ARHGEF10: variants seen among roughly 807,000 people sequenced by gnomAD.
ARHGEF10 encodes Rho guanine nucleotide exchange factor (GEF) 10.
Under a neutral mutation model 147.4 loss-of-function variants are expected in ARHGEF10, and 140 were observed. That is an observed-to-expected ratio of 0.95 (90% CI 0.83 to 1.09). ARHGEF10 has a LOEUF of 1.09. Ranked by LOEUF, ARHGEF10 falls within the 50% of genes least tolerant of loss-of-function variation. The pLI, the probability that ARHGEF10 is intolerant of heterozygous loss-of-function variation, is 0.00. For missense variants in ARHGEF10, 2,222 were observed against 1,752.7 expected (o/e 1.27, Z -4.78); for synonymous variants, 902 against 695.8 (o/e 1.30, Z -4.67).
chr8:1,955,942 C>A (rs1815529732), intron 28 of ARHGEF10, among the ~76,000 whole-genome samples: 1 of 152,232 alleles, frequency 6.6e-6, no homozygotes, highest in South Asian at 2.1e-4. Context: ...TGCCACTCTC[C>A]TCTTTGGGAA....
At position 1,945,231 on chromosome 8, in the gene ARHGEF10, G is replaced by A. The variant is rs544798067; in HGVS notation, c.3223-250G>A. Among the ~76,000 whole-genome samples, 9 of 152,316 alleles carry A rather than the reference G, an allele frequency of 5.9e-5. No individual in the cohort carries two copies. In the South Asian group the frequency reaches 1.9e-3, roughly 32 times the overall value. Reference sequence around the variant, plus strand: ...TAGGACACAAGCTCAGTGGCCCCTCGGCAGGCGCACCATGCCTGTGTCTTT... The same window carrying A: ...TAGGACACAAGCTCAGTGGCCCCTCAGCAGGCGCACCATGCCTGTGTCTTT... On this transcript the variant is annotated intron_variant, in intron 26 of 28. Coordinates refer to ENST00000349830, the MANE Select transcript of ARHGEF10 (RefSeq NM_014629.4).
chr8:1,908,227 A>ATTTT lies in ARHGEF10; in HGVS notation c.1968-1050_1968-1047dup, dbSNP rs11288174. On this transcript the variant is annotated intron_variant, in intron 17 of 28. Transcript: ENST00000349830. ...TTTGGTTATTTCTACCCACACTTTG[A>ATTTT]TTTTTTTTTTTTTTTTTTTTTGAGA... 1.5e-4 allele frequency among the ~76,000 whole-genome samples: 16 copies of ATTTT among 110,050 alleles called. 1 individual carries two copies. Among genetic ancestry groups the ATTTT allele is most frequent in the Non-Finnish European group, 1.9e-4 (11 of 56,518 alleles). The allele number at this position is 110,050 out of a possible 152,430, so 72.2% of individuals were successfully genotyped here. A position where few individuals can be genotyped will look rare whatever the true frequency, so the allele number is the denominator to read the frequency against.
intron 11 of ARHGEF10, among the ~76,000 whole-genome samples, chr8:1,889,864 G>A (rs570823034): frequency 1.0e-4 from 15 of 143,184 alleles, no homozygotes; most frequent in African/African-American, 2.8e-4. Context: ...AGGAGACACT[G>A]AGTGTGGTGA....
Position 1,832,957 on chromosome 8 carries a change from G to C in ARHGEF10, c.-48+8844G>C, listed in dbSNP as rs1487489446. 4.1e-5 allele frequency among the ~76,000 whole-genome samples: 4 copies of C among 97,936 alleles called. 1 individual carries two copies. Among genetic ancestry groups the C allele is most frequent in the Admixed American group, 1.0e-4 (1 of 9,670 alleles). 64.2% of individuals were successfully genotyped at this position (97,936 alleles called of 152,430 possible). ...AGAGACAGAAGCAGAGACAGAGGCA[G>C]AGGCAGATACAGAGGCAGAGAGAGA... On this transcript the variant is annotated intron_variant, in intron 1 of 28. Coordinates refer to ENST00000349830, the MANE Select transcript of ARHGEF10 (RefSeq NM_014629.4).
At chr8:1,842,682 C>T (rs983554003) in intron 1 of ARHGEF10, among the ~76,000 whole-genome samples, 16 of 152,226 alleles carry the variant, frequency 1.1e-4, no homozygotes, top group African/African-American at 3.4e-4. Context: ...ATGGCTCTGG[C>T]GGGAGCCAGG....
At chr8:1,866,432 CA>C in intron 5 of ARHGEF10, 93 bp from the exon 6 acceptor site, 1 of 941,424 alleles carries the variant, frequency 1.1e-6, no homozygotes, top group Non-Finnish European at 1.7e-6. Flanking sequence ...GACACACACA[CA>C]CACACACACA....
At chr8:1,865,127 C>T (rs1420827607) in intron 5 of ARHGEF10, among the ~76,000 whole-genome samples, 2 of 152,158 alleles carry the variant, frequency 1.3e-5, no homozygotes, top group Non-Finnish European at 2.9e-5. Context: ...TTTCTTTTAC[C>T]TTTTTAGGTA....
At chr8:1,909,122 G>A (rs1811151078) in intron 17 of ARHGEF10, among the ~76,000 whole-genome samples, 173 bp from the exon 18 acceptor site, 1 of 152,188 alleles carries the variant, frequency 6.6e-6, no homozygotes, top group African/African-American at 2.4e-5. Context: ...CCTCTTTATG[G>A]CAGCAAGTGG....
Position 1,887,502 on chromosome 8 carries a change from C to A in ARHGEF10, c.1182+1795C>A, listed in dbSNP as rs761421993. Among the ~76,000 whole-genome samples, 140 of 130,946 alleles carry A rather than the reference C, an allele frequency of 1.1e-3. 1 individual carries two copies. Among genetic ancestry groups the A allele is most frequent in the Non-Finnish European group, 1.8e-3 (110 of 62,224 alleles). 85.9% of individuals were successfully genotyped at this position (130,946 alleles called of 152,430 possible). ...AGACACTGAGTGGGGTGTGAGGGGT[C>A]TGTGAGGAGACCCTGAGTGGGGTGA... On this transcript the variant is annotated intron_variant, in intron 11 of 28. Coordinates refer to ENST00000349830, the MANE Select transcript of ARHGEF10 (RefSeq NM_014629.4).
chr8:1,870,954 A>G (rs1413258539), intron 7 of ARHGEF10: 1 of 152,010 alleles, frequency 6.6e-6, no homozygotes, highest in Non-Finnish European at 1.5e-5. Context: ...CTCTACTAAA[A>G]ATACAAAAAT....
chr8:1,934,023 G>C, intron 26 of ARHGEF10, 81 bp downstream of exon 26: 1 of 1,588,422 alleles, frequency 6.3e-7, no homozygotes, highest in Non-Finnish European at 8.6e-7. Context: ...CCGAAGTCAA[G>C]GCTTCTTGCC....
intron 7 of ARHGEF10, among the ~76,000 whole-genome samples, chr8:1,873,082 A>C (rs1373855115): frequency 1.3e-5 from 2 of 152,230 alleles, no homozygotes; most frequent in African/African-American, 2.4e-5. Flanking sequence ...CCGTGTGGCG[A>C]GGCCCAGTGT....
rs189846180 is a variant in ARHGEF10, at chr8:1,859,008, C to T, written c.194-889C>T. Among the ~76,000 whole-genome samples the T allele has an allele frequency of 7.3e-5, 11 of 151,578 alleles. No homozygotes were observed. The East Asian group carries it at 7.8e-4, about 11-fold the overall frequency. ...CTTTGCATGGTTTCTTTGTGCGTAG[C>T]GCCAGCCTCTCGGTTGTTTGCCCGG... On this transcript the variant is annotated intron_variant, in intron 3 of 28. Coordinates refer to ENST00000349830, the MANE Select transcript of ARHGEF10 (RefSeq NM_014629.4).
intron 28 of ARHGEF10, among the ~76,000 whole-genome samples, chr8:1,954,455 T>A (rs1815316644): frequency 1.4e-5 from 2 of 144,876 alleles, no homozygotes; most frequent in African/African-American, 5.2e-5. Flanking sequence ...GCAAGTGCAA[T>A]GCAAATATTC....
chr8:1,886,869 A>T (rs1407794997), intron 11 of ARHGEF10, among the ~76,000 whole-genome samples: 1 of 152,104 alleles, frequency 6.6e-6, no homozygotes, highest in Non-Finnish European at 1.5e-5. Context: ...GCCTGCTCCT[A>T]ACCTGTCTGT....
chr8:1,957,462 C>T lies in ARHGEF10; in HGVS notation c.*199C>T. ...CTCTTCTGTACAGCAGAAGTAATTACAAGCACTTCTCACGAAGGCAGAAGA... is the reference window on the plus strand; with the variant it reads ...CTCTTCTGTACAGCAGAAGTAATTATAAGCACTTCTCACGAAGGCAGAAGA... On this transcript the variant is annotated 3_prime_UTR_variant, in exon 29 of 29. Transcript: ENST00000349830. The T allele has an allele frequency of 2.6e-6, 2 of 760,720 alleles. No homozygotes were observed. The highest frequency in any genetic ancestry group is 2.9e-5 in the Admixed American group (1 of 34,650). The allele number at this position is 760,720 out of a possible 1,614,324, so 47.1% of individuals were successfully genotyped here.
intron 28 of ARHGEF10, among the ~76,000 whole-genome samples, chr8:1,955,545 C>G (rs1324631563): frequency 4.7e-5 from 7 of 148,462 alleles, no homozygotes; most frequent in African/African-American, 1.5e-4. Flanking sequence ...AGGAGGTGCA[C>G]TCTCACTGTT....
chr8:1,940,930 A>G (rs1814039336), intron 26 of ARHGEF10, among the ~76,000 whole-genome samples: 1 of 152,258 alleles, frequency 6.6e-6, no homozygotes, highest in African/African-American at 2.4e-5. Flanking sequence ...TCACCCTTTT[A>G]TGATAAAAAC....
Position 1,932,954 on chromosome 8 carries a change from G to T in ARHGEF10, c.3080-846G>T, listed in dbSNP as rs140499362. On this transcript the variant is annotated intron_variant, in intron 25 of 28. Coordinates refer to ENST00000349830, the MANE Select transcript of ARHGEF10 (RefSeq NM_014629.4). ...ATTAATGGTTAGACTGAGAATTGAA[G>T]AATTCATTTTAATTATTTATAGGAT... 4.0e-3 allele frequency among the ~76,000 whole-genome samples: 613 copies of T among 152,278 alleles called. 4 individuals are homozygous for T. Among genetic ancestry groups the T allele is most frequent in the African/African-American group, 0.014 (587 of 41,564 alleles).
Sources: allele counts gnomAD v4.1 joint callset (sites outside exome capture counted in the v4.1 genomes callset), GRCh38; gene constraint gnomAD v4.1.1; transcripts MANE v1.5; gene names NCBI Gene and HGNC (gene_info 2026-07-23, HGNC 2026-07-21).